Variants in CCBE1 observed in about 807,000 individuals in gnomAD.
CCBE1 encodes collagen and calcium-binding EGF domain-containing protein 1.
CCBE1 carries 37 observed loss-of-function variants against 50.0 expected under a neutral mutation model. The ratio of observed to expected loss-of-function variants is 0.74; its 90% CI spans 0.57 to 0.97. The LOEUF (loss-of-function observed/expected upper bound fraction) is 0.97. Ranked by LOEUF, CCBE1 falls within the 50% of genes least tolerant of loss-of-function variation. The pLI is 0.00. For missense variants in CCBE1, 538 were observed against 523.8 expected (o/e 1.03, Z -0.26); for synonymous variants, 234 against 203.7 (o/e 1.15, Z -1.27).
At chr18:59,613,032 G>C (rs568077256) in intron 2 of CCBE1, among the ~76,000 whole-genome samples, 67 of 152,052 alleles carry the variant, frequency 4.4e-4, no homozygotes, top group African/African-American at 1.6e-3. Context: ...AAAGGAATTC[G>C]GAGAAGACAG....
At chr18:59,459,188 T>C (rs997740449) in intron 5 of CCBE1, 3 of 152,244 alleles carry the variant, frequency 2.0e-5, no homozygotes, top group Non-Finnish European at 4.4e-5. Flanking sequence ...TTCAGTTCTC[T>C]ACAAAATCAG....
At chr18:59,613,833 T>C (rs865989606) in intron 2 of CCBE1, among the ~76,000 whole-genome samples, 1 of 150,670 alleles carries the variant, frequency 6.6e-6, no homozygotes, top group African/African-American at 2.4e-5. Flanking sequence ...CTTTTTAAAA[T>C]TGAAGCACAA....
In CCBE1 at chr18:59,439,425, C is replaced by T. The variant is rs942644048; in HGVS notation, c.951+118G>A. The T allele has an allele frequency of 1.7e-5, 21 of 1,225,584 alleles. No homozygotes were observed. The Admixed American group carries it at 2.7e-4, about 16-fold the overall frequency. 75.9% of individuals were successfully genotyped at this position (1,225,584 alleles called of 1,614,324 possible). On this transcript the variant is annotated intron_variant, in intron 9 of 10. Coordinates refer to ENST00000439986, the MANE Select transcript of CCBE1 (RefSeq NM_133459.4). The stretch of plus-strand genomic sequence containing the variant: ...GAGGCTGTAATGAGCCAAGATTGTG[C>T]CATTGCACTCCAGCCTGGGTGACAG...
chr18:59,574,793 T>A (rs902954035), intron 2 of CCBE1, among the ~76,000 whole-genome samples: 2 of 152,158 alleles, frequency 1.3e-5, no homozygotes, highest in African/African-American at 4.8e-5. Context: ...TAGATGACTC[T>A]TCCTCCTGTT....
intron 2 of CCBE1, among the ~76,000 whole-genome samples, chr18:59,544,808 A>C (rs995580494): frequency 3.3e-5 from 5 of 152,240 alleles, no homozygotes; most frequent in African/African-American, 1.2e-4. Flanking sequence ...TTTTAAGAGG[A>C]AACCCTGATT....
intron 3 of CCBE1, among the ~76,000 whole-genome samples, chr18:59,476,143 G>A (rs78770055): frequency 0.018 from 2,787 of 152,014 alleles, 96 homozygotes; most frequent in African/African-American, 0.064. Context: ...CGGTGATCCT[G>A]GGTTCTTTAT....
chr18:59,578,425 G>A (rs1489888711), intron 2 of CCBE1, among the ~76,000 whole-genome samples: 3 of 152,134 alleles, frequency 2.0e-5, no homozygotes, highest in Non-Finnish European at 4.4e-5. Context: ...AATACCATTT[G>A]ACCCAGCAAT....
chr18:59,509,741 G>A (rs574979152), intron 2 of CCBE1, among the ~76,000 whole-genome samples: 50 of 152,276 alleles, frequency 3.3e-4, no homozygotes, highest in East Asian at 9.6e-4. Context: ...TTTCATGTGC[G>A]CCCTGCACTG....
intron 2 of CCBE1, among the ~76,000 whole-genome samples, chr18:59,509,300 T>A (rs560440505): frequency 2.7e-4 from 41 of 151,628 alleles, no homozygotes; most frequent in African/African-American, 9.6e-4. Flanking sequence ...AATGCAGATA[T>A]GAATAAAAAT....
chr18:59,632,476 G>A (rs1177901615), intron 2 of CCBE1, among the ~76,000 whole-genome samples: 3 of 152,172 alleles, frequency 2.0e-5, no homozygotes, highest in African/African-American at 7.2e-5. Flanking sequence ...GTTTCACTAT[G>A]TTGGCCAGGC....
rs75454305 is a variant in CCBE1, at chr18:59,619,492, A to C, written c.212+77137T>G. Among the ~76,000 whole-genome samples the C allele has an allele frequency of 2.6e-3, 389 of 152,350 alleles. 10 individuals carry two copies. In the East Asian group the frequency reaches 0.037, roughly 14 times the overall value. The stretch of plus-strand genomic sequence containing the variant: ...ACACCACTGTGGCCAGCAGAAAGCA[A>C]GTTGTTGTAAAGGTACATGTTAAAT... On this transcript the variant is annotated intron_variant, in intron 2 of 10. Coordinates refer to ENST00000439986, the MANE Select transcript of CCBE1 (RefSeq NM_133459.4).
intron 2 of CCBE1, among the ~76,000 whole-genome samples, chr18:59,601,131 A>C (rs1454649522): frequency 7.0e-6 from 1 of 142,932 alleles, no homozygotes; most frequent in Non-Finnish European, 1.5e-5. Context: ...TCCCAGGCTC[A>C]AGTGATTCTT....
chr18:59,679,870 T>C (rs2144727210), intron 2 of CCBE1, among the ~76,000 whole-genome samples: 1 of 152,220 alleles, frequency 6.6e-6, no homozygotes, highest in East Asian at 1.9e-4. Flanking sequence ...GCGGGACAAC[T>C]TGAGGCGGGG....
chr18:59,622,130 T>A (rs2053718556), intron 2 of CCBE1, among the ~76,000 whole-genome samples: 1 of 152,174 alleles, frequency 6.6e-6, no homozygotes, highest in Non-Finnish European at 1.5e-5. Flanking sequence ...TTCTCTTCCA[T>A]GGCCACCTCC....
chr18:59,568,609 G>A (rs551082382), intron 2 of CCBE1: 1 of 152,352 alleles, frequency 6.6e-6, no homozygotes, highest in East Asian at 1.9e-4. Context: ...CTTGGAGCTA[G>A]AAGATAGGCT....
At chr18:59,582,129 C>G (rs1038258234) in intron 2 of CCBE1, among the ~76,000 whole-genome samples, 5 of 152,156 alleles carry the variant, frequency 3.3e-5, no homozygotes, top group African/African-American at 7.2e-5. Flanking sequence ...CTCCTGTACC[C>G]TCCGGAAAGC....
chr18:59,575,111 G>A (rs971319278), intron 2 of CCBE1, among the ~76,000 whole-genome samples: 2 of 152,168 alleles, frequency 1.3e-5, no homozygotes, highest in African/African-American at 2.4e-5. Context: ...TCCAGAAGGT[G>A]GAGGACAGAC....
At chr18:59,646,782 A>G (rs1228999447) in intron 2 of CCBE1, among the ~76,000 whole-genome samples, 1 of 152,250 alleles carries the variant, frequency 6.6e-6, no homozygotes, top group Non-Finnish European at 1.5e-5. Context: ...AGCCAGCTGC[A>G]CTGCTGATGA....
At chr18:59,629,922 C>T (rs2053830765) in intron 2 of CCBE1, among the ~76,000 whole-genome samples, 1 of 152,178 alleles carries the variant, frequency 6.6e-6, no homozygotes, top group Non-Finnish European at 1.5e-5. Flanking sequence ...CTCTGCGTGA[C>T]CATTTATTAG....
Sources: gnomAD v4.1 joint callset for allele counts (sites outside exome capture counted in the v4.1 genomes callset) on GRCh38, gnomAD v4.1.1 for gene constraint, MANE v1.5 for transcripts, NCBI Gene and HGNC (gene_info 2026-07-23, HGNC 2026-07-21) for gene names.